Variants in KHDRBS2 observed in about 807,000 individuals in gnomAD.
KHDRBS2 encodes the protein KH domain-containing, RNA-binding, signal transduction-associated protein 2.
A neutral mutation model predicts 44.3 loss-of-function variants in KHDRBS2; 26 were observed. The ratio of observed to expected loss-of-function variants is 0.59; its 90% CI spans 0.43 to 0.81. The LOEUF is 0.81. Ranked by LOEUF, KHDRBS2 falls within the 40% of genes least tolerant of loss-of-function variation. The pLI is 0.00. For synonymous variants in KHDRBS2, 194 were observed against 151.1 expected (o/e 1.28, Z -2.08); for missense variants, 476 against 433.1 (o/e 1.10, Z -0.88).
chr6:62,120,421 T>A (rs774372513), intron 2 of KHDRBS2, among the ~76,000 whole-genome samples: 1 of 152,210 alleles, frequency 6.6e-6, no homozygotes, highest in Non-Finnish European at 1.5e-5. Context: ...CTTCTCTGTA[T>A]GCCAGATCTT....
At chr6:62,133,869 G>C (rs1033672026) in intron 2 of KHDRBS2, among the ~76,000 whole-genome samples, 3 of 152,156 alleles carry the variant, frequency 2.0e-5, no homozygotes, top group African/African-American at 7.2e-5. Context: ...ACTTGAGGGA[G>C]ATGATTTAGG....
chr6:62,175,520 C>T (rs1196696988), intron 2 of KHDRBS2, among the ~76,000 whole-genome samples: 1 of 151,370 alleles, frequency 6.6e-6, no homozygotes, highest in Non-Finnish European at 1.5e-5. Flanking sequence ...GAAGCATGAC[C>T]TTGAGCAATT....
intron 2 of KHDRBS2, among the ~76,000 whole-genome samples, chr6:62,090,293 G>A (rs1799252552): frequency 6.6e-6 from 1 of 152,156 alleles, no homozygotes; most frequent in African/African-American, 2.4e-5. Flanking sequence ...ATTCACAGTT[G>A]CTAGTTTTAA....
intron 2 of KHDRBS2, among the ~76,000 whole-genome samples, chr6:62,143,268 A>G (rs1273609125): frequency 6.6e-6 from 1 of 151,796 alleles, no homozygotes; most frequent in Non-Finnish European, 1.5e-5. Flanking sequence ...TCATCTATAC[A>G]CCTCCCACAA....
At chr6:61,932,039 A>C (rs1272675556) in intron 4 of KHDRBS2, among the ~76,000 whole-genome samples, 1 of 152,166 alleles carries the variant, frequency 6.6e-6, no homozygotes, top group Non-Finnish European at 1.5e-5. Context: ...AATATGTATA[A>C]AATTTTAAAA....
intron 3 of KHDRBS2, among the ~76,000 whole-genome samples, chr6:62,045,453 C>T (rs1382489707): frequency 1.3e-5 from 2 of 151,880 alleles, no homozygotes; most frequent in Admixed American, 6.6e-5. Context: ...CTCCCAACAC[C>T]ACTAACCTCT....
chr6:61,947,980 A>C (rs1487604364), intron 4 of KHDRBS2, among the ~76,000 whole-genome samples: 1 of 151,184 alleles, frequency 6.6e-6, no homozygotes, highest in Non-Finnish European at 1.5e-5. Flanking sequence ...TCATGAGAAC[A>C]TGAAGTTCAG....
At chr6:61,868,007 C>T (rs1798033044) in intron 6 of KHDRBS2, among the ~76,000 whole-genome samples, 1 of 152,200 alleles carries the variant, frequency 6.6e-6, no homozygotes, top group East Asian at 1.9e-4. Flanking sequence ...GGGATCCCTT[C>T]AGCCCTGATC....
At chr6:61,867,222 G>A (rs1297759152) in intron 6 of KHDRBS2, among the ~76,000 whole-genome samples, 1 of 152,196 alleles carries the variant, frequency 6.6e-6, no homozygotes, top group Non-Finnish European at 1.5e-5. Context: ...CATGGCCAAG[G>A]GCAAGGAGGA....
chr6:62,032,856 A>G (rs1035597684), intron 3 of KHDRBS2, among the ~76,000 whole-genome samples: 4 of 151,980 alleles, frequency 2.6e-5, no homozygotes, highest in Non-Finnish European at 5.9e-5. Context: ...TGACCTCACC[A>G]AATGAACTAA....
chr6:61,551,180 T>C, the KHDRBS2 span, among the ~76,000 whole-genome samples: 1 of 152,184 alleles, frequency 6.6e-6, no homozygotes, highest in Non-Finnish European at 1.5e-5. Context: ...TTGAAAAGCG[T>C]CTGTTGTCCT....
chr6:61,731,780 A>C lies in KHDRBS2; in HGVS notation c.893+902T>G, dbSNP rs1017249345. ...CCTGTATTTTCCTGTGAAATTTGTA[A>C]CACTTTTAAGAAAAAAAAGTGGGTG... is the stretch of plus-strand genomic sequence containing the variant. On this transcript the variant is annotated intron_variant, in intron 7 of 8. Coordinates refer to ENST00000281156, the MANE Select transcript of KHDRBS2 (RefSeq NM_152688.4). Among the ~76,000 whole-genome samples the C allele has an allele frequency of 5.3e-5, 8 of 152,042 alleles. No individual in the cohort carries two copies. The East Asian group carries it at 1.3e-3, about 26-fold the overall frequency.
At chr6:61,834,898 T>C (rs2127265819) in intron 6 of KHDRBS2, among the ~76,000 whole-genome samples, 1 of 152,188 alleles carries the variant, frequency 6.6e-6, no homozygotes, top group Admixed American at 6.5e-5. Context: ...TGAATACAAA[T>C]ATATGAATTA....
At chr6:62,023,303 T>G (rs896413481) in intron 3 of KHDRBS2, among the ~76,000 whole-genome samples, 1 of 151,718 alleles carries the variant, frequency 6.6e-6, no homozygotes, top group African/African-American at 2.4e-5. Flanking sequence ...TCTTTGTGAT[T>G]CATTACAAAA....
At chr6:61,821,009 G>A (rs1445041350) in intron 6 of KHDRBS2, among the ~76,000 whole-genome samples, 3 of 151,956 alleles carry the variant, frequency 2.0e-5, no homozygotes, top group African/African-American at 7.2e-5. Flanking sequence ...ACTCAGAATT[G>A]GGAAATCTGT....
chr6:62,125,034 G>T (rs1208342896), intron 2 of KHDRBS2, among the ~76,000 whole-genome samples: 2 of 152,012 alleles, frequency 1.3e-5, no homozygotes, highest in Non-Finnish European at 2.9e-5. Flanking sequence ...CCACTTGTTT[G>T]TCTTTTGAAA....
intron 6 of KHDRBS2, among the ~76,000 whole-genome samples, chr6:61,857,869 A>T (rs1201724012): frequency 6.6e-6 from 1 of 152,024 alleles, no homozygotes; most frequent in East Asian, 1.9e-4. Context: ...TCAGATATTA[A>T]GTGATATGTA....
Position 62,021,359 on chromosome 6 carries a change from A to G in KHDRBS2, c.336+26519T>C, listed in dbSNP as rs574794622. 4.6e-5 allele frequency among the ~76,000 whole-genome samples: 7 copies of G among 152,100 alleles called. No individual in the cohort carries two copies. The South Asian group carries it at 1.4e-3, about 31-fold the overall frequency. On this transcript the variant is annotated intron_variant, in intron 3 of 8. Coordinates refer to ENST00000281156, the MANE Select transcript of KHDRBS2 (RefSeq NM_152688.4). ...ACAATATGTACAACAAATTCCCATG[A>G]CACAGGTTTACCTATATAACAAACC...
chr6:61,614,974 C>G, the KHDRBS2 span, among the ~76,000 whole-genome samples: 38 of 151,914 alleles, frequency 2.5e-4, no homozygotes, highest in African/African-American at 8.9e-4. Context: ...TGGCTCATGC[C>G]TGTAATCCCA....
Sources: allele counts gnomAD v4.1 joint callset (sites outside exome capture counted in the v4.1 genomes callset), GRCh38; gene constraint gnomAD v4.1.1; transcripts MANE v1.5; gene names NCBI Gene and HGNC (gene_info 2026-07-23, HGNC 2026-07-21).